The following MYO10 variants were observed in gnomAD, a reference collection of about 807,000 sequenced individuals.
The protein encoded by MYO10 is unconventional myosin-X.
A neutral mutation model predicts 257.3 loss-of-function variants in MYO10; 133 were observed. That is an observed-to-expected ratio of 0.52 (90% CI 0.45 to 0.60). The LOEUF (loss-of-function observed/expected upper bound fraction) is 0.60. Ranked by LOEUF, MYO10 falls within the 20% of genes least tolerant of loss-of-function variation. The probability of loss-of-function intolerance (pLI) is 0.00; values close to 1 mark genes in which losing one functional copy is unlikely to be tolerated. For synonymous variants in MYO10, 1,104 were observed against 1,028.6 expected, an observed-to-expected ratio of 1.07 and a Z score of -1.40; for missense variants, 2,399 against 2,635.7, an observed-to-expected ratio of 0.91 and a Z score of 1.97.
chr5:16,934,273 T>C (rs1171255041), intron 1 of MYO10, among the ~76,000 whole-genome samples: 1 of 152,264 alleles, frequency 6.6e-6, no homozygotes, highest in Non-Finnish European at 1.5e-5. Flanking sequence ...CGGACCCCTG[T>C]GGTGCTCAGA....
chr5:16,785,097 A>C (rs991459616), intron 4 of MYO10, among the ~76,000 whole-genome samples: 1 of 152,234 alleles, frequency 6.6e-6, no homozygotes, highest in African/African-American at 2.4e-5. Flanking sequence ...ATAAAGCAAA[A>C]GCCAAGAAAA....
intron 1 of MYO10, among the ~76,000 whole-genome samples, chr5:16,928,165 A>G (rs1416550037): frequency 6.6e-6 from 1 of 152,152 alleles, no homozygotes; most frequent in Non-Finnish European, 1.5e-5. Flanking sequence ...TTCTCAAATC[A>G]TCTTGTTTTC....
At chr5:16,893,506 T>C (rs1050954685) in intron 1 of MYO10, among the ~76,000 whole-genome samples, 2 of 150,944 alleles carry the variant, frequency 1.3e-5, no homozygotes, top group Admixed American at 1.3e-4. Flanking sequence ...TGGTGGTGCA[T>C]GCCTGTAGTC....
intron 1 of MYO10, among the ~76,000 whole-genome samples, chr5:16,893,998 T>TA (rs1330548120): frequency 6.6e-6 from 1 of 152,154 alleles, no homozygotes; most frequent in Non-Finnish European, 1.5e-5. Context: ...ATTAAGTTGT[T>TA]AAGTAAACTT....
intron 2 of MYO10, among the ~76,000 whole-genome samples, chr5:16,822,660 AAT>A (rs1172838640): frequency 1.3e-5 from 2 of 149,158 alleles, no homozygotes; most frequent in African/African-American, 5.0e-5. Flanking sequence ...TTAATTTGGA[AAT>A]ATTTTTTTTT....
chr5:16,841,630 C>T (rs1008249409), intron 2 of MYO10, among the ~76,000 whole-genome samples: 12 of 152,146 alleles, frequency 7.9e-5, no homozygotes, highest in Non-Finnish European at 1.3e-4. Flanking sequence ...CCATGAGCTC[C>T]ACAGACCATC....
chr5:16,704,696 C>A lies in MYO10; in HGVS notation c.2170-11G>T. ...TTCTCGAAGAAAGACCTGCTCAGGA[C>A]GGAGTCACATGTCAGAAGCAAAGAA... is the stretch of plus-strand genomic sequence containing the variant. On this transcript the variant is annotated splice_polypyrimidine_tract_variant and intron_variant, in intron 21 of 40. Coordinates refer to ENST00000513610, the MANE Select transcript of MYO10 (RefSeq NM_012334.3). The A allele has an allele frequency of 6.2e-7, 1 of 1,608,988 alleles. No homozygotes were observed. Among genetic ancestry groups the A allele is most frequent in the East Asian group, 2.2e-5 (1 of 44,840 alleles).
chr5:16,849,065 C>T (rs181803296), intron 2 of MYO10, among the ~76,000 whole-genome samples: 2 of 152,264 alleles, frequency 1.3e-5, no homozygotes, highest in African/African-American at 4.8e-5. Flanking sequence ...AAGTGATCCT[C>T]GCCCGTCAGC....
chr5:16,723,685 C>T (rs1450405758), intron 19 of MYO10, among the ~76,000 whole-genome samples: 3 of 152,166 alleles, frequency 2.0e-5, no homozygotes, highest in African/African-American at 4.8e-5. Flanking sequence ...GATCTTTGTT[C>T]GTAACTGCCA....
At chr5:16,803,713 G>T (rs573777660) in intron 3 of MYO10, among the ~76,000 whole-genome samples, 4 of 152,226 alleles carry the variant, frequency 2.6e-5, no homozygotes, top group Admixed American at 2.0e-4. Flanking sequence ...AGCAAAAAAG[G>T]AAAGAATATG....
chr5:16,802,284 CG>C (rs1560992454), intron 3 of MYO10, among the ~76,000 whole-genome samples: 1 of 152,004 alleles, frequency 6.6e-6, no homozygotes, highest in African/African-American at 2.4e-5. Flanking sequence ...TTAACGCTAT[CG>C]AACTGTGCAT....
At chr5:16,828,779 G>C (rs1049528523) in intron 2 of MYO10, among the ~76,000 whole-genome samples, 31 of 151,998 alleles carry the variant, frequency 2.0e-4, no homozygotes, top group Non-Finnish European at 2.8e-4. Flanking sequence ...CTGTCACCCA[G>C]GCTGGAGTGA....
chr5:16,758,900 C>T (rs916823062), intron 17 of MYO10, among the ~76,000 whole-genome samples: 2 of 151,566 alleles, frequency 1.3e-5, no homozygotes, highest in African/African-American at 4.8e-5. Flanking sequence ...CTACTATTAA[C>T]AAGGTAAAAG....
rs1736008469 is a variant in MYO10, at chr5:16,662,186, G to A, written c.*4506C>T. 6.6e-6 allele frequency: 1 copy of A among 151,796 alleles called. No homozygotes were observed. The highest frequency in any genetic ancestry group is 2.1e-4 in the South Asian group (1 of 4,820). The allele number at this position is 151,796 out of a possible 1,614,324, so 9.4% of individuals were successfully genotyped here. A position where few individuals can be genotyped will look rare whatever the true frequency, so the allele number is the denominator to read the frequency against. On this transcript the variant is annotated 3_prime_UTR_variant, in exon 41 of 41. Coordinates refer to ENST00000513610, the MANE Select transcript of MYO10 (RefSeq NM_012334.3). Reference sequence around the variant, plus strand: ...AATAGGGATTTTCAAATTAATTAAAGCGCTTATTTTTATACCCAATACACA... The same window carrying A: ...AATAGGGATTTTCAAATTAATTAAAACGCTTATTTTTATACCCAATACACA...
rs1279641129 is a variant in MYO10, at chr5:16,701,995, T to C, written c.2557-157A>G. On this transcript the variant is annotated intron_variant, in intron 24 of 40. Transcript: ENST00000513610. The surrounding 1 kb of genome is among the most constrained non-coding windows in gnomAD (Gnocchi z 8.1). ...GTCCTAACCCCAATACTGCAGAATG[T>C]GACTGCATTTGGAGATACAGCTTTT... is the stretch of plus-strand genomic sequence containing the variant. Among the ~76,000 whole-genome samples, 2 of 152,200 alleles carry C rather than the reference T, an allele frequency of 1.3e-5. No homozygotes were observed. The highest frequency in any genetic ancestry group is 2.9e-5 in the Non-Finnish European group (2 of 68,038).
intron 2 of MYO10, among the ~76,000 whole-genome samples, chr5:16,837,376 G>A (rs1200745750): frequency 6.6e-6 from 1 of 152,052 alleles, no homozygotes; most frequent in Non-Finnish European, 1.5e-5. Context: ...AGACACAAAA[G>A]GCTATATATT....
At chr5:16,909,361 G>A (rs758061132) in intron 1 of MYO10, among the ~76,000 whole-genome samples, 3 of 151,992 alleles carry the variant, frequency 2.0e-5, no homozygotes, top group Non-Finnish European at 2.9e-5. Flanking sequence ...CAAAAAATTA[G>A]CCAGCTGTGG....
Position 16,794,853 on chromosome 5 carries a change from CAG to C in MYO10, c.280-22_280-21del. The C allele has an allele frequency of 1.4e-6, 2 of 1,454,036 alleles. No homozygotes were observed. The highest frequency in any genetic ancestry group is 3.6e-4 in the Middle Eastern group (2 of 5,492). 90.1% of individuals were successfully genotyped at this position (1,454,036 alleles called of 1,614,324 possible). On this transcript the variant is annotated intron_variant, in intron 3 of 40. Coordinates refer to ENST00000513610, the MANE Select transcript of MYO10 (RefSeq NM_012334.3). ...GTAGGTCTGCAAGCACAGAGTGAGA[CAG>C]GGATGCGTCACTTCTAACCCAGGCC... is the stretch of plus-strand genomic sequence containing the variant.
intron 10 of MYO10, 93 bp from the exon 11 acceptor site, chr5:16,766,291 C>A: frequency 1.1e-6 from 1 of 889,302 alleles, no homozygotes; most frequent in Non-Finnish European, 1.8e-6. Context: ...ACACCTGAAT[C>A]CCTCACGCAG....
Sources: gnomAD v4.1 joint callset for allele counts (sites outside exome capture counted in the v4.1 genomes callset) on GRCh38, gnomAD v4.1.1 for gene constraint, Gnocchi (gnomAD v3.1) non-coding constraint, MANE v1.5 for transcripts, NCBI Gene and HGNC (gene_info 2026-07-23, HGNC 2026-07-21) for gene names.